Variants in TNFRSF19 observed in about 807,000 individuals in gnomAD.
TNFRSF19 encodes the protein tumor necrosis factor receptor superfamily member 19.
In TNFRSF19, 27 loss-of-function variants were observed where a neutral mutation model predicts 46.4. That is an observed-to-expected ratio of 0.58 (90% CI 0.43 to 0.80). TNFRSF19 has a LOEUF of 0.80. Ranked by LOEUF, TNFRSF19 falls within the 30% of genes least tolerant of loss-of-function variation. The probability of loss-of-function intolerance (pLI) is 0.00; values close to 1 mark genes in which losing one functional copy is unlikely to be tolerated. For missense variants in TNFRSF19, 511 were observed against 530.8 expected, an observed-to-expected ratio of 0.96 and a Z score of 0.37; for synonymous variants, 204 against 205.0, an observed-to-expected ratio of 1.00 and a Z score of 0.04.
chr13:23,615,862 C>G lies in TNFRSF19; in HGVS notation c.181-5C>G. Reference sequence around the variant, plus strand: ...TAGCTTTCTGTTACCCGTTAATCCCCACAGGAATGTGGCTTCGGCTATGGG... The same window carrying G: ...TAGCTTTCTGTTACCCGTTAATCCCGACAGGAATGTGGCTTCGGCTATGGG... On this transcript the variant is annotated splice_polypyrimidine_tract_variant and splice_region_variant and intron_variant, in intron 3 of 9. Coordinates refer to ENST00000248484, the MANE Select transcript of TNFRSF19 (RefSeq NM_148957.4). 1 of 1,590,614 alleles carries G rather than the reference C, an allele frequency of 6.3e-7. No homozygotes were observed. Among genetic ancestry groups the G allele is most frequent in the Non-Finnish European group, 8.6e-7 (1 of 1,165,026 alleles).
intron 5 of TNFRSF19, among the ~76,000 whole-genome samples, chr13:23,651,936 A>G (rs1883678963): frequency 6.7e-6 from 1 of 148,734 alleles, no homozygotes; most frequent in Non-Finnish European, 1.5e-5. Context: ...TTAAGAGTCA[A>G]ACTAACCTGA....
chr13:23,675,453 A>T lies in TNFRSF19; in HGVS notation c.*2073A>T, dbSNP rs1442580977. The T allele has an allele frequency of 2.6e-5, 4 of 152,234 alleles. No individual in the cohort carries two copies. The highest frequency in any genetic ancestry group is 7.2e-5 in the African/African-American group (3 of 41,454). 9.4% of individuals were successfully genotyped at this position (152,234 alleles called of 1,614,324 possible). A position where few individuals can be genotyped will look rare whatever the true frequency, so the allele number is the denominator to read the frequency against. On this transcript the variant is annotated 3_prime_UTR_variant, in exon 10 of 10. Transcript: ENST00000248484. ...AGACTTTGGCCAAAAATCCCAAAAC[A>T]TCATTTTCAATCAGTAGAGAAGTGC... is the stretch of plus-strand genomic sequence containing the variant.
chr13:23,607,815 C>CT (rs1330008920), intron 3 of TNFRSF19, among the ~76,000 whole-genome samples: 14 of 152,298 alleles, frequency 9.2e-5, no homozygotes, highest in African/African-American at 3.4e-4. Flanking sequence ...TCATGAGGTT[C>CT]TTTCAATTAC....
intron 1 of TNFRSF19, among the ~76,000 whole-genome samples, chr13:23,583,484 A>G (rs17078986): frequency 0.098 from 14,864 of 152,280 alleles, 852 homozygotes; most frequent in East Asian, 0.28. Flanking sequence ...GTTATCTTCT[A>G]GTCCACATGT....
At position 23,675,383 on chromosome 13, in the gene TNFRSF19, T is replaced by C. The variant is rs1425210337; in HGVS notation, c.*2003T>C. 6.6e-6 allele frequency: 1 copy of C among 152,204 alleles called. No individual in the cohort carries two copies. Among genetic ancestry groups the C allele is most frequent in the Non-Finnish European group, 1.5e-5 (1 of 68,044 alleles). The allele number at this position is 152,204 out of a possible 1,614,324, so 9.4% of individuals were successfully genotyped here. A position where few individuals can be genotyped will look rare whatever the true frequency, so the allele number is the denominator to read the frequency against. ...TTCCATATGTAGAGCCCTGATTAAC[T>C]TCAAGGACAAACACTGGCTGGAGAA... On this transcript the variant is annotated 3_prime_UTR_variant, in exon 10 of 10. Coordinates refer to ENST00000248484, the MANE Select transcript of TNFRSF19 (RefSeq NM_148957.4).
At position 23,581,794 on chromosome 13, in the gene TNFRSF19, CA is replaced by C. The variant is rs1566160951; in HGVS notation, c.-34-8354del. ...TGTGCTTAACTCAATCCCCTGTGGC[CA>C]ATTCTACCCCTGAAAAATTAACACG... On this transcript the variant is annotated intron_variant, in intron 1 of 9. Coordinates refer to ENST00000248484, the MANE Select transcript of TNFRSF19 (RefSeq NM_148957.4). Among the ~76,000 whole-genome samples, 4 of 152,088 alleles carry C rather than the reference CA, an allele frequency of 2.6e-5. No individual in the cohort carries two copies. The South Asian group carries it at 8.3e-4, about 32-fold the overall frequency.
intron 7 of TNFRSF19, among the ~76,000 whole-genome samples, chr13:23,666,121 A>G (rs1003774021): frequency 6.6e-6 from 1 of 152,200 alleles, no homozygotes; most frequent in African/African-American, 2.4e-5. Flanking sequence ...CATCTGGCCT[A>G]TGCCTGGTCA....
chr13:23,618,638 G>A (rs140968758), intron 4 of TNFRSF19, among the ~76,000 whole-genome samples: 13 of 152,284 alleles, frequency 8.5e-5, no homozygotes, highest in African/African-American at 1.2e-4. Context: ...GAGTTACCAC[G>A]TGACCTGACA....
At chr13:23,618,959 C>T (rs1244717672) in intron 4 of TNFRSF19, among the ~76,000 whole-genome samples, 1 of 152,170 alleles carries the variant, frequency 6.6e-6, no homozygotes, top group East Asian at 1.9e-4. Flanking sequence ...CACAGCATTT[C>T]TTCCCTCTGA....
chr13:23,607,569 AC>A (rs1415412147), intron 3 of TNFRSF19, among the ~76,000 whole-genome samples: 2 of 152,234 alleles, frequency 1.3e-5, no homozygotes, highest in Admixed American at 1.3e-4. Context: ...TAAACATAAA[AC>A]TTTTTAAAGT....
At chr13:23,662,935 C>G (rs910070874) in intron 7 of TNFRSF19, among the ~76,000 whole-genome samples, 3 of 152,132 alleles carry the variant, frequency 2.0e-5, no homozygotes, top group Admixed American at 6.5e-5. Context: ...GTGGGGTTTT[C>G]TAGATATAGA....
intron 3 of TNFRSF19, among the ~76,000 whole-genome samples, chr13:23,606,960 T>A (rs1221476959): frequency 6.6e-6 from 1 of 152,202 alleles, no homozygotes; most frequent in Non-Finnish European, 1.5e-5. Context: ...GAAAAATAAG[T>A]TATGAGGATA....
intron 2 of TNFRSF19, among the ~76,000 whole-genome samples, chr13:23,592,986 G>A (rs1879425153): frequency 6.6e-6 from 1 of 150,696 alleles, no homozygotes; most frequent in Non-Finnish European, 1.5e-5. Context: ...AGTCATAACT[G>A]TTTTTTTTTT....
At chr13:23,647,536 G>A (rs1883404567) in intron 5 of TNFRSF19, among the ~76,000 whole-genome samples, 1 of 152,066 alleles carries the variant, frequency 6.6e-6, no homozygotes, top group African/African-American at 2.4e-5. Context: ...CCGAGTAGCT[G>A]GGACTACAGG....
intron 1 of TNFRSF19, among the ~76,000 whole-genome samples, chr13:23,589,332 G>C (rs548454089): frequency 1.3e-5 from 2 of 152,316 alleles, no homozygotes; most frequent in South Asian, 4.1e-4. Flanking sequence ...TGTTAGGTTA[G>C]TGCCTGTGAT....
At position 23,590,215 on chromosome 13, in the gene TNFRSF19, A is replaced by G; in HGVS notation, c.32A>G (p.Lys11Arg). 6.3e-7 allele frequency: 1 copy of G among 1,596,568 alleles called. No homozygotes were observed. Among genetic ancestry groups the G allele is most frequent in the Non-Finnish European group, 8.5e-7 (1 of 1,171,382 alleles). The part of the protein sequence containing the change: MALKVLLEQE[K>R]TFFTLLVLLG... ...TTAAAAGTGCTACTAGAACAAGAGA[A>G]AACGTTTTTCACTCTTTTAGTATTA... The change falls in exon 2 of 10, where the codon AAA becomes AGA. Residue 11 changes from lysine (K) to arginine (R), a missense_variant. Lys to Arg is a conservative substitution (Grantham distance 26). Coordinates refer to ENST00000248484, the MANE Select transcript of TNFRSF19 (RefSeq NM_148957.4).
chr13:23,587,469 T>A (rs1031861637), intron 1 of TNFRSF19, among the ~76,000 whole-genome samples: 1 of 152,226 alleles, frequency 6.6e-6, no homozygotes, highest in African/African-American at 2.4e-5. Context: ...TTGTAGTGTC[T>A]TCTAGCCTAG....
intron 5 of TNFRSF19, among the ~76,000 whole-genome samples, chr13:23,629,322 C>T (rs566059789): frequency 2.6e-5 from 4 of 152,294 alleles, no homozygotes; most frequent in African/African-American, 9.6e-5. Flanking sequence ...TCTGGTGGCA[C>T]ACCACGCCTT....
chr13:23,662,783 G>A (rs1884451504), intron 7 of TNFRSF19, among the ~76,000 whole-genome samples: 1 of 152,168 alleles, frequency 6.6e-6, no homozygotes. Flanking sequence ...TGGCAATTGT[G>A]AATGGGATTG....
Sources: gnomAD v4.1 joint callset for allele counts (sites outside exome capture counted in the v4.1 genomes callset) on GRCh38, gnomAD v4.1.1 for gene constraint, MANE v1.5 for transcripts, NCBI Gene and HGNC (gene_info 2026-07-23, HGNC 2026-07-21) for gene names.